TMEM132B: variants seen among roughly 807,000 people sequenced by gnomAD.
TMEM132B encodes transmembrane protein 132B.
In TMEM132B, 18 loss-of-function variants were observed where a neutral mutation model predicts 90.8. The ratio of observed to expected loss-of-function variants is 0.20; its 90% confidence interval spans 0.14 to 0.29. The LOEUF is 0.29. Among genes scored for constraint, TMEM132B ranks in the 10% least tolerant of loss-of-function variants. TMEM132B has a pLI of 1.00. For synonymous variants in TMEM132B, 504 were observed against 523.3 expected (o/e 0.96, Z 0.50); for missense variants, 1,096 against 1,326.8 (o/e 0.83, Z 2.70).
At chr12:125,267,178 A>C (rs1002190414) in intron 1 of TMEM132B, among the ~76,000 whole-genome samples, 2 of 151,876 alleles carry the variant, frequency 1.3e-5, no homozygotes, top group African/African-American at 4.8e-5. Context: ...AGTTGCTCTG[A>C]TCTCTGAGGT....
At chr12:125,463,421 T>A (rs552338754) in intron 3 of TMEM132B, among the ~76,000 whole-genome samples, 120 of 152,350 alleles carry the variant, frequency 7.9e-4, no homozygotes, top group South Asian at 1.7e-3. Context: ...GTTAGTTGCT[T>A]ATAGCTTTCC....
At chr12:125,477,403 T>G (rs1352320121) in intron 3 of TMEM132B, among the ~76,000 whole-genome samples, 1 of 152,190 alleles carries the variant, frequency 6.6e-6, no homozygotes, top group African/African-American at 2.4e-5. Flanking sequence ...TCTCTCTGGC[T>G]CAATCCACCC....
rs185174754 is a variant in TMEM132B at position 125,640,424 on chromosome 12, A to G, written c.1438-3652A>G. ...CATCAGATCATATCCTCAGAAGACCATGGCATGGCCTTGGGATGGGGCTAA... is the reference window on the plus strand; with the variant it reads ...CATCAGATCATATCCTCAGAAGACCGTGGCATGGCCTTGGGATGGGGCTAA... On this transcript the variant is annotated intron_variant, in intron 5 of 8. Coordinates refer to ENST00000682704, the MANE Select transcript of TMEM132B (RefSeq NM_001366854.1). Among the ~76,000 whole-genome samples, 278 of 152,332 alleles carry G rather than the reference A, an allele frequency of 1.8e-3. 1 individual carries two copies. The highest frequency in any genetic ancestry group is 3.4e-3 in the Middle Eastern group (1 of 294).
intron 4 of TMEM132B, among the ~76,000 whole-genome samples, chr12:125,572,409 C>T (rs1049592191): frequency 1.3e-5 from 2 of 152,338 alleles, no homozygotes; most frequent in Admixed American, 1.3e-4. Context: ...CTTCTGCAAT[C>T]CTCTCCAGAG....
intron 1 of TMEM132B, among the ~76,000 whole-genome samples, chr12:125,249,483 C>T (rs1231489444): frequency 6.6e-6 from 1 of 152,152 alleles, no homozygotes; most frequent in Admixed American, 6.5e-5. Context: ...GATTAGTTTG[C>T]GGTGGGACAT....
At chr12:125,550,995 T>C (rs928081617) in intron 4 of TMEM132B, among the ~76,000 whole-genome samples, 2 of 152,228 alleles carry the variant, frequency 1.3e-5, no homozygotes, top group Admixed American at 6.5e-5. Context: ...GTATTTTTAG[T>C]AGAGACAGAA....
intron 3 of TMEM132B, among the ~76,000 whole-genome samples, chr12:125,493,848 CCG>C (rs1882422632): frequency 6.6e-6 from 1 of 151,148 alleles, no homozygotes; most frequent in African/African-American, 2.4e-5. Flanking sequence ...TCCCTCCTCC[CCG>C]TCCTCCCTGG....
chr12:125,276,584 A>C (rs1373325488), intron 1 of TMEM132B, among the ~76,000 whole-genome samples: 2 of 152,048 alleles, frequency 1.3e-5, no homozygotes, highest in Non-Finnish European at 2.9e-5. Context: ...TGGGAATGAG[A>C]GGATGCTTTT....
chr12:125,567,756 T>A (rs1884693415), intron 4 of TMEM132B, among the ~76,000 whole-genome samples: 1 of 152,188 alleles, frequency 6.6e-6, no homozygotes, highest in African/African-American at 2.4e-5. Flanking sequence ...TGTGTGAAAT[T>A]TTAATGTAGC....
chr12:125,560,831 C>CAAA (rs58083131), intron 4 of TMEM132B, among the ~76,000 whole-genome samples: 3,579 of 29,242 alleles, frequency 0.12, 1,400 homozygotes, highest in East Asian at 0.4. Flanking sequence ...GACTCTGTCT[C>CAAA]AAAAAAAAAA....
chr12:125,484,473 T>G (rs998125594), intron 3 of TMEM132B, among the ~76,000 whole-genome samples: 1 of 152,078 alleles, frequency 6.6e-6, no homozygotes, highest in African/African-American at 2.4e-5. Flanking sequence ...GATCAGATGC[T>G]CCCTCCTGGG....
Position 125,415,474 on chromosome 12 carries a change from T to A in TMEM132B, c.960-57T>A, listed in dbSNP as rs1566029147. Reference sequence around the variant, plus strand: ...TGCTCTCGTGCCATCTTTTACTACCTGTTTCAAACTAAAATGGTTTTATTA... The same window carrying A: ...TGCTCTCGTGCCATCTTTTACTACCAGTTTCAAACTAAAATGGTTTTATTA... On this transcript the variant is annotated intron_variant, in intron 2 of 8. Transcript: ENST00000682704. This position sits in a 1 kb window ranked among gnomAD's most constrained non-coding sequence, Gnocchi z 5.3. 18 of 1,589,564 alleles carry A rather than the reference T, an allele frequency of 1.1e-5. No individual in the cohort carries two copies. Among genetic ancestry groups the A allele is most frequent in the Non-Finnish European group, 1.1e-5 (13 of 1,166,136 alleles).
intron 4 of TMEM132B, among the ~76,000 whole-genome samples, chr12:125,522,146 C>G (rs1270705747): frequency 6.6e-6 from 1 of 152,172 alleles, no homozygotes; most frequent in Non-Finnish European, 1.5e-5. Context: ...AAGGTCAACT[C>G]GTGGAGAGGC....
intron 2 of TMEM132B, among the ~76,000 whole-genome samples, chr12:125,380,743 G>A (rs550589998): frequency 1.3e-5 from 2 of 152,334 alleles, no homozygotes; most frequent in East Asian, 3.9e-4. Flanking sequence ...GAAGCAAGAG[G>A]AACGCAGCCC....
chr12:125,457,530 A>T (rs1253353805), intron 3 of TMEM132B, among the ~76,000 whole-genome samples: 2 of 152,156 alleles, frequency 1.3e-5, no homozygotes, highest in African/African-American at 4.8e-5. Flanking sequence ...GCCTCTAGGG[A>T]AACAGACAAA....
chr12:125,328,171 T>A (rs890365347), intron 1 of TMEM132B, among the ~76,000 whole-genome samples: 2 of 152,198 alleles, frequency 1.3e-5, no homozygotes, highest in African/African-American at 2.4e-5. Context: ...GGGACCTCAG[T>A]CACTCAGGTG....
At chr12:125,279,221 A>G (rs1212660410) in intron 1 of TMEM132B, among the ~76,000 whole-genome samples, 1 of 152,230 alleles carries the variant, frequency 6.6e-6, no homozygotes, top group Non-Finnish European at 1.5e-5. Context: ...ATTGCCAGGT[A>G]GGTCCATCCC....
intron 1 of TMEM132B, among the ~76,000 whole-genome samples, chr12:125,341,301 C>T: frequency 6.6e-6 from 1 of 152,062 alleles, no homozygotes; most frequent in Middle Eastern, 3.2e-3. Context: ...AAACTAAATC[C>T]TCATAGTCAA....
chr12:125,340,502 TGGA>T (rs928207051), intron 1 of TMEM132B, among the ~76,000 whole-genome samples: 2 of 152,036 alleles, frequency 1.3e-5, no homozygotes, highest in Non-Finnish European at 2.9e-5. Flanking sequence ...TCCTGGGATA[TGGA>T]GGAGGACTTT....
Sources: gnomAD v4.1 joint callset for allele counts (sites outside exome capture counted in the v4.1 genomes callset) on GRCh38, gnomAD v4.1.1 for gene constraint, Gnocchi (gnomAD v3.1) non-coding constraint, MANE v1.5 for transcripts, NCBI Gene and HGNC (gene_info 2026-07-23, HGNC 2026-07-21) for gene names.